Variants in ATP10B observed in about 807,000 individuals in gnomAD.
The protein encoded by ATP10B is ATPase phospholipid transporting 10B (putative).
A neutral mutation model predicts 141.2 loss-of-function variants in ATP10B; 122 were observed. That is an observed-to-expected ratio of 0.86 (90% CI 0.75 to 1.00). The LOEUF (loss-of-function observed/expected upper bound fraction) is 1.00. ATP10B is among the 50% of genes least tolerant of loss of function. ATP10B has a pLI of 0.00. For missense variants in ATP10B, 1,876 were observed against 1,825.3 expected (o/e 1.03, Z -0.51); for synonymous variants, 685 against 692.0 (o/e 0.99, Z 0.16).
intron 2 of ATP10B, among the ~76,000 whole-genome samples, chr5:160,738,953 A>G (rs1767290666): frequency 6.6e-6 from 1 of 152,236 alleles, no homozygotes; most frequent in Admixed American, 6.5e-5. Context: ...TACCTTATGA[A>G]TGTAGGTTAA....
At chr5:160,717,546 C>T (rs1008805473) in intron 2 of ATP10B, among the ~76,000 whole-genome samples, 43 of 152,250 alleles carry the variant, frequency 2.8e-4, no homozygotes, top group African/African-American at 9.9e-4. Flanking sequence ...TTGGAGAGCA[C>T]CTGCTTTAAC....
At position 160,636,206 on chromosome 5, in the gene ATP10B, G is replaced by A. The variant is rs751788701; in HGVS notation, c.1104C>T (p.Phe368=). 11 of 1,612,102 alleles carry A rather than the reference G, an allele frequency of 6.8e-6. No individual in the cohort carries two copies. In the African/African-American group the frequency reaches 1.3e-4, roughly 20 times the overall value. Residue 368 remains phenylalanine, a synonymous_variant, in exon 11 of 26, where the codon TTC becomes TTT. Coordinates refer to ENST00000327245, the MANE Select transcript of ATP10B (RefSeq NM_025153.3). ...CCTGGAGCAGGATGATCATTGTGAG[G>A]AACATGTAGAAGCCCCCAAGGGCAC... The part of the protein sequence containing the change: ...LPSALGGFYM[F]LTMIILLQVL...
chr5:160,870,452 G>A, the ATP10B span, among the ~76,000 whole-genome samples: 1 of 150,968 alleles, frequency 6.6e-6, no homozygotes, highest in Non-Finnish European at 1.5e-5. Context: ...ACAAGCAGCA[G>A]AACCAGTCTT....
At chr5:160,680,751 A>T (rs922449238) in intron 6 of ATP10B, among the ~76,000 whole-genome samples, 3 of 152,200 alleles carry the variant, frequency 2.0e-5, no homozygotes, top group Admixed American at 2.0e-4. Context: ...GTGGGTGGGG[A>T]CTGTGGCTCA....
intron 2 of ATP10B, among the ~76,000 whole-genome samples, chr5:160,738,366 T>C (rs1291284256): frequency 1.3e-5 from 2 of 151,884 alleles, no homozygotes; most frequent in African/African-American, 4.8e-5. Flanking sequence ...TCTTATGAAT[T>C]AGAAAAACAT....
chr5:160,717,965 C>G (rs1181298711), intron 2 of ATP10B, among the ~76,000 whole-genome samples: 1 of 152,168 alleles, frequency 6.6e-6, no homozygotes, highest in African/African-American at 2.4e-5. Context: ...TGGATTTACC[C>G]TGTACTTGGT....
intron 1 of ATP10B, among the ~76,000 whole-genome samples, chr5:160,828,467 C>T (rs1774804021): frequency 6.6e-6 from 1 of 151,980 alleles, no homozygotes; most frequent in African/African-American, 2.4e-5. Flanking sequence ...TGCTCATCAT[C>T]ACTAGCCATC....
intron 2 of ATP10B, among the ~76,000 whole-genome samples, chr5:160,728,766 T>C (rs904378770): frequency 6.9e-6 from 1 of 145,230 alleles, no homozygotes; most frequent in Non-Finnish European, 1.5e-5. Flanking sequence ...GGGCTCCCTC[T>C]AATTTCACTG....
intron 3 of ATP10B, among the ~76,000 whole-genome samples, chr5:160,705,328 C>A (rs1764942688): frequency 6.6e-6 from 1 of 151,926 alleles, no homozygotes; most frequent in African/African-American, 2.4e-5. Flanking sequence ...CTCAAGCAAT[C>A]CTCCTACCTC....
chr5:160,722,393 T>G (rs1418197401), intron 2 of ATP10B, among the ~76,000 whole-genome samples: 1 of 152,236 alleles, frequency 6.6e-6, no homozygotes, highest in East Asian at 1.9e-4. Flanking sequence ...CGTACTGTCA[T>G]GTGTTCTGCC....
chr5:160,875,072 C>A, the ATP10B span, among the ~76,000 whole-genome samples: 4 of 102,248 alleles, frequency 3.9e-5, no homozygotes, highest in African/African-American at 1.3e-4. Flanking sequence ...AACTCCAAGA[C>A]ACATAATTGT....
intron 9 of ATP10B, 118 bp from the exon 10 acceptor site, chr5:160,640,710 G>T: frequency 7.4e-7 from 1 of 1,349,460 alleles, no homozygotes; most frequent in Non-Finnish European, 1.0e-6. Flanking sequence ...TCTTTAACCT[G>T]AACTTGCCCC....
chr5:160,723,647 C>T lies in ATP10B; in HGVS notation c.-330-6613G>A, dbSNP rs777281364. On this transcript the variant is annotated intron_variant, in intron 2 of 25. Coordinates refer to ENST00000327245, the MANE Select transcript of ATP10B (RefSeq NM_025153.3). ...TCTCTCTCTCCCCTTCATTCTCTCT[C>T]GCTCTCTTTTCCTGTATCTAGCCAT... Among the ~76,000 whole-genome samples the T allele has an allele frequency of 6.3e-4, 96 of 152,136 alleles. 2 individuals carry two copies. Among genetic ancestry groups the T allele is most frequent in the Non-Finnish European group, 3.5e-4 (24 of 68,024 alleles).
At chr5:160,753,379 G>A (rs1768297340) in intron 2 of ATP10B, among the ~76,000 whole-genome samples, 1 of 152,172 alleles carries the variant, frequency 6.6e-6, no homozygotes, top group Non-Finnish European at 1.5e-5. Context: ...TTGCATGCTT[G>A]CTCCTGAGCT....
At chr5:160,876,624 T>C in the ATP10B span, among the ~76,000 whole-genome samples, 2 of 151,518 alleles carry the variant, frequency 1.3e-5, no homozygotes, top group African/African-American at 2.4e-5. Flanking sequence ...ATCAACAAAA[T>C]TGATAGACTG....
At chr5:160,639,706 CCA>C (rs1301445218) in intron 10 of ATP10B, among the ~76,000 whole-genome samples, 2 of 152,126 alleles carry the variant, frequency 1.3e-5, no homozygotes, top group Non-Finnish European at 2.9e-5. Context: ...GACAATTTTT[CCA>C]CAGTCAGTGG....
Position 160,649,176 on chromosome 5 carries a change from A to G in ATP10B, c.756T>C (p.Gly252=). The G allele has an allele frequency of 6.2e-7, 1 of 1,611,018 alleles. No individual in the cohort carries two copies. Among genetic ancestry groups the G allele is most frequent in the East Asian group, 2.2e-5 (1 of 44,848 alleles). ...ATGGGACATGAGATACTTACATATA[A>G]CCCTTAAATTTGTTGAGGTGGTTGT... is the stretch of plus-strand genomic sequence containing the variant. ...KPNNHLNKFK[G]YMEHPDQTRT... The change falls in exon 8 of 26, where the codon GGT becomes GGC. Residue 252 remains glycine (G), a synonymous_variant. Transcript: ENST00000327245.
chr5:160,810,126 A>G (rs930897240), intron 1 of ATP10B, among the ~76,000 whole-genome samples: 1 of 152,042 alleles, frequency 6.6e-6, no homozygotes, highest in African/African-American at 2.4e-5. Flanking sequence ...TAGAAAATGA[A>G]TTATTTACCT....
chr5:160,876,838 G>A, the ATP10B span, among the ~76,000 whole-genome samples: 3 of 149,312 alleles, frequency 2.0e-5, no homozygotes, highest in East Asian at 6.0e-4. Context: ...AAACCAGGAA[G>A]AAGTTGAATC....
Sources: gnomAD v4.1 joint callset for allele counts (sites outside exome capture counted in the v4.1 genomes callset) on GRCh38, gnomAD v4.1.1 for gene constraint, MANE v1.5 for transcripts, NCBI Gene and HGNC (gene_info 2026-07-23, HGNC 2026-07-21) for gene names.